The following TAX1BP1 variants were observed in gnomAD, a reference collection of about 807,000 sequenced individuals.
The protein encoded by TAX1BP1 is tax1-binding protein 1.
In TAX1BP1, 62 loss-of-function variants were observed where a neutral mutation model predicts 97.7. The ratio of observed to expected loss-of-function variants is 0.63; its 90% CI spans 0.52 to 0.78. TAX1BP1 has a LOEUF of 0.78. Ranked by LOEUF, TAX1BP1 falls within the 30% of genes least tolerant of loss-of-function variation. TAX1BP1 has a pLI of 0.00. For missense variants in TAX1BP1, 867 were observed against 916.1 expected (o/e 0.95, Z 0.69); for synonymous variants, 340 against 304.2 (o/e 1.12, Z -1.23).
At chr7:27,795,138 A>G (rs1430144801) in intron 11 of TAX1BP1, among the ~76,000 whole-genome samples, 1 of 152,170 alleles carries the variant, frequency 6.6e-6, no homozygotes, top group Non-Finnish European at 1.5e-5. Flanking sequence ...GTAGTAATTG[A>G]TCTTTTAAGT....
intron 10 of TAX1BP1, 32 bp downstream of exon 10, chr7:27,793,244 T>C: frequency 6.6e-7 from 1 of 1,518,362 alleles, no homozygotes; most frequent in Non-Finnish European, 8.8e-7. Flanking sequence ...CATAGTAAAA[T>C]GTGTTGTTAG....
chr7:27,745,366 G>A (rs1230884368), intron 1 of TAX1BP1, among the ~76,000 whole-genome samples: 1 of 152,148 alleles, frequency 6.6e-6, no homozygotes, highest in Admixed American at 6.5e-5. Flanking sequence ...GCCTAAGTCT[G>A]TTATCTGTAG....
intron 1 of TAX1BP1, among the ~76,000 whole-genome samples, chr7:27,742,656 C>T (rs763215545): frequency 3.3e-5 from 5 of 152,106 alleles, no homozygotes; most frequent in African/African-American, 4.8e-5. Context: ...TTAGTAGAGA[C>T]GAGGTTTCTC....
chr7:27,780,855 A>G (rs1789227727), intron 5 of TAX1BP1, among the ~76,000 whole-genome samples: 1 of 152,122 alleles, frequency 6.6e-6, no homozygotes, highest in South Asian at 2.1e-4. Context: ...TTAAACCCAT[A>G]ATTTTTGTAT....
At position 27,816,529 on chromosome 7, in the gene TAX1BP1, A is replaced by G. The variant is rs775200418; in HGVS notation, c.1936+9A>G. ...ATCTCAGGAAACAAGAGGTTATTAC[A>G]GTATTTTTGGTTTGGGATTAGCTGC... On this transcript the variant is annotated intron_variant, in intron 14 of 16. Coordinates refer to ENST00000396319, the MANE Select transcript of TAX1BP1 (RefSeq NM_006024.7). The G allele has an allele frequency of 7.2e-6, 11 of 1,519,004 alleles. No individual in the cohort carries two copies. The South Asian group carries it at 1.4e-4, about 19-fold the overall frequency. The allele number at this position is 1,519,004 out of a possible 1,614,324, so 94.1% of individuals were successfully genotyped here.
intron 5 of TAX1BP1, among the ~76,000 whole-genome samples, chr7:27,771,581 G>A (rs1352918118): frequency 1.3e-5 from 2 of 151,906 alleles, no homozygotes; most frequent in African/African-American, 4.8e-5. Flanking sequence ...GGTGATAAAG[G>A]GGTTAAGGAC....
At chr7:27,812,520 A>T (rs1173220217) in intron 13 of TAX1BP1, among the ~76,000 whole-genome samples, 1 of 152,090 alleles carries the variant, frequency 6.6e-6, no homozygotes, top group African/African-American at 2.4e-5. Flanking sequence ...ATTTGTCTTA[A>T]TGCTTCATGC....
chr7:27,823,873 C>T (rs764447563), intron 15 of TAX1BP1, among the ~76,000 whole-genome samples: 4 of 152,086 alleles, frequency 2.6e-5, no homozygotes, highest in Non-Finnish European at 4.4e-5. Flanking sequence ...TGTCTTTTTG[C>T]GAGTGGCTTA....
intron 13 of TAX1BP1, among the ~76,000 whole-genome samples, chr7:27,812,789 A>G (rs1010092376): frequency 2.0e-5 from 3 of 152,244 alleles, no homozygotes; most frequent in East Asian, 3.8e-4. Context: ...AAAATACTCT[A>G]TAAGTATGGG....
At chr7:27,765,793 A>G in intron 3 of TAX1BP1, 41 bp from the exon 4 acceptor site, 2 of 1,521,188 alleles carry the variant, frequency 1.3e-6, no homozygotes, top group Non-Finnish European at 9.1e-7. Context: ...TGAATTTTAT[A>G]ATAGGAAGTT....
At chr7:27,818,754 C>G (rs1007291001) in intron 15 of TAX1BP1, among the ~76,000 whole-genome samples, 1 of 152,154 alleles carries the variant, frequency 6.6e-6, no homozygotes, top group Non-Finnish European at 1.5e-5. Flanking sequence ...ATGCTGAACT[C>G]TTTAGATAGA....
chr7:27,829,056 C>T lies in TAX1BP1; in HGVS notation c.*227C>T. On this transcript the variant is annotated 3_prime_UTR_variant, in exon 17 of 17. Coordinates refer to ENST00000396319, the MANE Select transcript of TAX1BP1 (RefSeq NM_006024.7). Reference sequence around the variant, plus strand: ...ATCTTACCTGCTTTAAAAAAAAGTTCTTGTGTGTTCGTATCTTTATTTATT... The same window carrying T: ...ATCTTACCTGCTTTAAAAAAAAGTTTTTGTGTGTTCGTATCTTTATTTATT... 1 of 411,156 alleles carries T rather than the reference C, an allele frequency of 2.4e-6. No homozygotes were observed. 25.5% of individuals were successfully genotyped at this position (411,156 alleles called of 1,614,324 possible). A position where few individuals can be genotyped will look rare whatever the true frequency, so the allele number is the denominator to read the frequency against.
intron 13 of TAX1BP1, among the ~76,000 whole-genome samples, chr7:27,810,965 T>C (rs1790537741): frequency 6.6e-6 from 1 of 152,134 alleles, no homozygotes; most frequent in Non-Finnish European, 1.5e-5. Flanking sequence ...ATACAGTGTT[T>C]CCATTTTGAT....
In TAX1BP1 at chr7:27,765,881, G is replaced by C. The variant is rs367927936; in HGVS notation, c.313G>C (p.Val105Leu). The change falls in exon 4 of 17, where the codon GTT (valine) becomes CTT (leucine). Residue 105 changes from valine to leucine, a missense_variant. Transcript: ENST00000396319. ...TGGAGAATTTTATCAGTTCTGTTAC[G>C]TTACCCATAAGGGTGAAATTCGTGG... is the stretch of plus-strand genomic sequence containing the variant. ...DDGEFYQFCY[V>L]THKGEIRGAS... 20 of 1,614,046 alleles carry C rather than the reference G, an allele frequency of 1.2e-5. No homozygotes were observed. The highest frequency in any genetic ancestry group is 1.5e-5 in the Non-Finnish European group (18 of 1,179,984).
intron 10 of TAX1BP1, among the ~76,000 whole-genome samples, chr7:27,793,977 A>T (rs927027211): frequency 1.3e-5 from 2 of 152,254 alleles, no homozygotes; most frequent in South Asian, 4.1e-4. Flanking sequence ...GTGAAAAAAT[A>T]TGATACTTTA....
intron 10 of TAX1BP1, 31 bp downstream of exon 10, chr7:27,793,243 A>G: frequency 6.6e-7 from 1 of 1,517,452 alleles, no homozygotes; most frequent in Non-Finnish European, 8.8e-7. Flanking sequence ...ACATAGTAAA[A>G]TGTGTTGTTA....
At position 27,800,036 on chromosome 7, in the gene TAX1BP1, G is replaced by A; in HGVS notation, c.1710G>A (p.Val570=). Residue 570 remains valine, a synonymous_variant, in exon 13 of 17, where the codon GTG becomes GTA. Coordinates refer to ENST00000396319, the MANE Select transcript of TAX1BP1 (RefSeq NM_006024.7). The part of the protein sequence containing the change: ...AKMELKWKEQ[V]KIAENVKLEL... The stretch of plus-strand genomic sequence containing the variant: ...TGGAGCTGAAATGGAAAGAACAAGT[G>A]AAAATTGCTGAAAATGTAAAACTTG... 1 of 1,601,848 alleles carries A rather than the reference G, an allele frequency of 6.2e-7. No homozygotes were observed. The highest frequency in any genetic ancestry group is 8.5e-7 in the Non-Finnish European group (1 of 1,174,408).
At chr7:27,741,204 A>G (rs1472941643) in intron 1 of TAX1BP1, among the ~76,000 whole-genome samples, 2 of 152,208 alleles carry the variant, frequency 1.3e-5, no homozygotes, top group Non-Finnish European at 2.9e-5. Context: ...GCTAATGTTA[A>G]AATTTCTACG....
At chr7:27,770,516 CAT>C (rs1788805218) in intron 5 of TAX1BP1, among the ~76,000 whole-genome samples, 1 of 152,072 alleles carries the variant, frequency 6.6e-6, no homozygotes, top group South Asian at 2.1e-4. Context: ...ATTACAGTCT[CAT>C]GTACAGTAGA....
Sources: allele counts gnomAD v4.1 joint callset (sites outside exome capture counted in the v4.1 genomes callset), GRCh38; gene constraint gnomAD v4.1.1; transcripts MANE v1.5; gene names NCBI Gene and HGNC (gene_info 2026-07-23, HGNC 2026-07-21).